FNDC3A: variants seen among roughly 807,000 people sequenced by gnomAD.
FNDC3A encodes fibronectin type-III domain-containing protein 3A.
Under a neutral mutation model 148.9 loss-of-function variants are expected in FNDC3A, and 32 were observed. The observed-to-expected ratio is 0.21, with a 90% confidence interval of 0.16 to 0.29. The LOEUF (loss-of-function observed/expected upper bound fraction) is 0.29, where lower values mean the gene tolerates loss of function less well. FNDC3A is among the 10% of genes least tolerant of loss of function. FNDC3A has a pLI of 1.00. For synonymous variants in FNDC3A, 472 were observed against 473.6 expected, an observed-to-expected ratio of 1.00 and a Z score of 0.04; for missense variants, 1,191 against 1,452.8, an observed-to-expected ratio of 0.82 and a Z score of 2.93.
At chr13:49,048,868 A>G (rs1297196633) in intron 2 of FNDC3A, among the ~76,000 whole-genome samples, 2 of 152,126 alleles carry the variant, frequency 1.3e-5, no homozygotes, top group African/African-American at 4.8e-5. Flanking sequence ...TAGAAGTGGT[A>G]AAAGTGGGTG....
At chr13:49,205,050 C>T (rs915905207) in intron 25 of FNDC3A, among the ~76,000 whole-genome samples, 10 of 152,176 alleles carry the variant, frequency 6.6e-5, no homozygotes, top group African/African-American at 2.4e-4. Context: ...CATCAAGAGT[C>T]CCTGTCCTAC....
chr13:49,074,723 G>A (rs1877975586), intron 2 of FNDC3A, among the ~76,000 whole-genome samples: 1 of 152,104 alleles, frequency 6.6e-6, no homozygotes, highest in African/African-American at 2.4e-5. Flanking sequence ...TTATTAGAAT[G>A]TTAACAATGT....
intron 17 of FNDC3A, among the ~76,000 whole-genome samples, chr13:49,190,162 A>G (rs1004561775): frequency 1.3e-5 from 2 of 152,212 alleles, no homozygotes; most frequent in Admixed American, 1.3e-4. Context: ...CTGGGATTAC[A>G]GGTGTGAGCC....
At chr13:49,182,224 A>G (rs115285146) in intron 14 of FNDC3A, among the ~76,000 whole-genome samples, 2,844 of 152,064 alleles carry the variant, frequency 0.019, 94 homozygotes, top group African/African-American at 0.063. Flanking sequence ...CCTGTACTCA[A>G]TCAATCCTCC....
intron 2 of FNDC3A, among the ~76,000 whole-genome samples, chr13:49,055,269 A>G (rs1334733023): frequency 1.3e-5 from 2 of 152,074 alleles, no homozygotes; most frequent in Non-Finnish European, 2.9e-5. Flanking sequence ...ACACCCAGCT[A>G]GTCTTATTTC....
At chr13:48,993,823 C>A (rs1314962690) in intron 1 of FNDC3A, among the ~76,000 whole-genome samples, 1 of 152,070 alleles carries the variant, frequency 6.6e-6, no homozygotes, top group African/African-American at 2.4e-5. Context: ...ATATAAAATC[C>A]TTCCATGACT....
intron 2 of FNDC3A, among the ~76,000 whole-genome samples, chr13:49,028,637 AT>A (rs756022976): frequency 5.3e-4 from 80 of 152,346 alleles, no homozygotes; most frequent in Admixed American, 3.3e-3. Flanking sequence ...GACTATACTA[AT>A]AATTGACTTT....
intron 19 of FNDC3A, among the ~76,000 whole-genome samples, chr13:49,193,667 C>A (rs1386864646): frequency 6.6e-6 from 1 of 152,126 alleles, no homozygotes; most frequent in Non-Finnish European, 1.5e-5. Flanking sequence ...TGCATGTAAT[C>A]CCAGCACTTT....
intron 1 of FNDC3A, among the ~76,000 whole-genome samples, chr13:48,990,945 C>G (rs9596049): frequency 2.0e-5 from 3 of 152,012 alleles, no homozygotes; most frequent in Non-Finnish European, 4.4e-5. Flanking sequence ...AGAAACCACT[C>G]AAGTAACAAA....
intron 8 of FNDC3A, among the ~76,000 whole-genome samples, chr13:49,160,231 A>G (rs542712697): frequency 2.0e-5 from 3 of 152,294 alleles, no homozygotes; most frequent in Non-Finnish European, 2.9e-5. Context: ...GAGTTCAGCT[A>G]TGAATCCATC....
At chr13:49,190,646 A>G (rs966798256) in intron 17 of FNDC3A, among the ~76,000 whole-genome samples, 4 of 152,214 alleles carry the variant, frequency 2.6e-5, no homozygotes, top group South Asian at 2.1e-4. Flanking sequence ...ATCCCTCCTT[A>G]GAAGAGATTT....
intron 1 of FNDC3A, among the ~76,000 whole-genome samples, chr13:48,991,191 T>A (rs9535126): frequency 0.31 from 47,846 of 152,070 alleles, 7,627 homozygotes; most frequent in South Asian, 0.48. Context: ...ATATTTCACA[T>A]CTACAAGAAA....
Position 49,207,504 on chromosome 13 carries a change from C to CTA in FNDC3A, c.*112_*113dup, listed in dbSNP as rs1886707223. 2 of 694,414 alleles carry CTA rather than the reference C, an allele frequency of 2.9e-6. No individual in the cohort carries two copies. The highest frequency in any genetic ancestry group is 4.8e-6 in the Non-Finnish European group (2 of 419,844). The allele number at this position is 694,414 out of a possible 1,614,324, so 43.0% of individuals were successfully genotyped here. On this transcript the variant is annotated 3_prime_UTR_variant, in exon 26 of 26. Transcript: ENST00000492622. ...GTGGCATTTAGCACTGGCATTGAGA[C>CTA]TATAGCACATCATTTTTGCCATTTT...
At chr13:49,092,733 T>G (rs535186158) in intron 3 of FNDC3A, among the ~76,000 whole-genome samples, 6 of 152,158 alleles carry the variant, frequency 3.9e-5, no homozygotes, top group African/African-American at 1.4e-4. Flanking sequence ...ACATCTATTT[T>G]GAGACTCTTT....
intron 1 of FNDC3A, among the ~76,000 whole-genome samples, chr13:48,990,333 A>T (rs879550235): frequency 3.3e-5 from 5 of 152,114 alleles, no homozygotes; most frequent in African/African-American, 4.8e-5. Context: ...AAATTAAACC[A>T]CATGGAAACT....
At chr13:49,196,677 A>C (rs539726085) in intron 19 of FNDC3A, among the ~76,000 whole-genome samples, 200 bp from the exon 20 acceptor site, 4 of 152,314 alleles carry the variant, frequency 2.6e-5, no homozygotes, top group Admixed American at 2.0e-4. Flanking sequence ...GGTAAATGAA[A>C]CTTTAAAATT....
At chr13:49,008,339 T>C (rs1404714799) in intron 2 of FNDC3A, among the ~76,000 whole-genome samples, 1 of 152,186 alleles carries the variant, frequency 6.6e-6, no homozygotes, top group Non-Finnish European at 1.5e-5. Context: ...ACAGCAGACA[T>C]TTCTTTGTCT....
At chr13:49,075,981 G>A (rs187869469) in intron 3 of FNDC3A, among the ~76,000 whole-genome samples, 97 of 152,126 alleles carry the variant, frequency 6.4e-4, no homozygotes, top group African/African-American at 2.0e-3. Context: ...GAACTGTAGG[G>A]TGTTTAGTGG....
intron 2 of FNDC3A, among the ~76,000 whole-genome samples, chr13:49,060,630 C>T (rs539942626): frequency 9.4e-6 from 1 of 105,904 alleles, no homozygotes; most frequent in South Asian, 3.3e-4. Context: ...GGCGACAGAA[C>T]GAGACTCGGT....
Sources: gnomAD v4.1 joint callset for allele counts (sites outside exome capture counted in the v4.1 genomes callset) on GRCh38, gnomAD v4.1.1 for gene constraint, MANE v1.5 for transcripts, NCBI Gene and HGNC (gene_info 2026-07-23, HGNC 2026-07-21) for gene names.